The following VPS13D variants were observed in gnomAD, a reference collection of about 807,000 sequenced individuals.
The protein encoded by VPS13D is vacuolar protein sorting 13 homolog D, also known as intermembrane lipid transfer protein VPS13D.
Under a neutral mutation model 461.9 loss-of-function variants are expected in VPS13D, and 187 were observed. That is an observed-to-expected ratio of 0.40 (90% confidence interval 0.36 to 0.46). VPS13D has a LOEUF of 0.46. Ranked by LOEUF, VPS13D falls within the 20% of genes least tolerant of loss-of-function variation. The pLI is 0.60. For missense variants in VPS13D, 4,711 were observed against 5,364.9 expected (o/e 0.88, Z 3.81); for synonymous variants, 1,951 against 1,986.3 (o/e 0.98, Z 0.47).
At chr1:12,391,723 A>T (rs1489002394) in intron 60 of VPS13D, among the ~76,000 whole-genome samples, 2 of 152,192 alleles carry the variant, frequency 1.3e-5, no homozygotes, top group Admixed American at 1.3e-4. Context: ...TTAATTTGTA[A>T]ATAAAATCTT....
rs751517271 is a variant in VPS13D at position 12,236,321 on chromosome 1, C to T, written c.97+1958C>T. On this transcript the variant is annotated intron_variant, in intron 2 of 69. Transcript: ENST00000620676. The stretch of plus-strand genomic sequence containing the variant: ...CGTAAAGAAGTTGGTGCTGCTTGTT[C>T]GTCTCTGACACAGTTAAGCAGTGTT... Among the ~76,000 whole-genome samples the T allele has an allele frequency of 1.1e-4, 17 of 152,132 alleles. 1 individual carries two copies. The highest frequency in any genetic ancestry group is 3.4e-3 in the Middle Eastern group (1 of 294).
At chr1:12,489,635 G>A (rs1011108731) in intron 67 of VPS13D, among the ~76,000 whole-genome samples, 1 of 152,158 alleles carries the variant, frequency 6.6e-6, no homozygotes, top group African/African-American at 2.4e-5. Flanking sequence ...GAGGTTGGAT[G>A]TTACACCCTA....
chr1:12,426,475 G>A (rs1420018884), intron 65 of VPS13D, among the ~76,000 whole-genome samples: 1 of 152,192 alleles, frequency 6.6e-6, no homozygotes, highest in African/African-American at 2.4e-5. Flanking sequence ...AGAGTACCCA[G>A]AATTAGGGAG....
Position 12,373,796 on chromosome 1 carries a change from A to G in VPS13D, c.10855A>G (p.Thr3619Ala). Residue 3619 changes from threonine (T) to alanine (A), a missense_variant, in exon 55 of 70, where the codon ACC becomes GCC. Physicochemically the swap from Thr to Ala is moderately conservative, Grantham distance 58. This residue lies in a region of VPS13D where 4,411 missense variants were observed against 4,937.8 expected (regional missense o/e 0.89). Transcript: ENST00000620676. ...GRPVASNKAI[T>A]CAELVLDVSP... The stretch of plus-strand genomic sequence containing the variant: ...GCCTGTGGCTTCCAACAAGGCCATT[A>G]CCTGTGCGGAGCTCGTTTTGGATGT... The G allele has an allele frequency of 6.3e-7, 1 of 1,597,142 alleles. No homozygotes were observed. Among genetic ancestry groups the G allele is most frequent in the Middle Eastern group, 1.7e-4 (1 of 5,982 alleles).
At chr1:12,484,258 G>A (rs1027804374) in intron 67 of VPS13D, among the ~76,000 whole-genome samples, 12 of 152,098 alleles carry the variant, frequency 7.9e-5, no homozygotes, top group Non-Finnish European at 1.6e-4. Context: ...GTAGCATATA[G>A]TGCCGGACCA....
chr1:12,268,913 T>C, intron 16 of VPS13D, 37 bp downstream of exon 16: 1 of 1,587,444 alleles, frequency 6.3e-7, no homozygotes, highest in East Asian at 2.2e-5. Context: ...ATGTTCCTTT[T>C]GAAAAACATC....
chr1:12,392,541 A>G (rs1644441326), intron 60 of VPS13D, among the ~76,000 whole-genome samples: 1 of 140,738 alleles, frequency 7.1e-6, no homozygotes, highest in Non-Finnish European at 1.5e-5. Context: ...TATTGTATAA[A>G]TGTTAAAAAA....
At chr1:12,458,394 A>G (rs774737841) in intron 66 of VPS13D, among the ~76,000 whole-genome samples, 6 of 152,080 alleles carry the variant, frequency 3.9e-5, no homozygotes, top group Non-Finnish European at 8.8e-5. Context: ...TGCTCTGCCA[A>G]AAACTTTGTT....
At chr1:12,321,995 A>G (rs371031603) in intron 33 of VPS13D, 31 bp downstream of exon 33, 1 of 1,611,048 alleles carries the variant, frequency 6.2e-7, no homozygotes, top group Non-Finnish European at 8.5e-7. Context: ...CAATACGTTG[A>G]TATGCTCTCA....
At position 12,505,933 on chromosome 1, in the gene VPS13D, G is replaced by A. The variant is rs529426161; in HGVS notation, c.12795-920G>A. On this transcript the variant is annotated intron_variant, in intron 68 of 69. Transcript: ENST00000620676. This position sits in a 1 kb window ranked among gnomAD's most constrained non-coding sequence, Gnocchi z 4.2. ...CTTCAGAGGACCTGGGAACAACGCC[G>A]TTCTGGACCCAGGTTTCAGAACACT... Among the ~76,000 whole-genome samples the A allele has an allele frequency of 2.0e-5, 3 of 152,350 alleles. No individual in the cohort carries two copies. The highest frequency in any genetic ancestry group is 2.1e-4 in the South Asian group (1 of 4,830).
chr1:12,354,674 C>G (rs977747119), intron 47 of VPS13D, among the ~76,000 whole-genome samples: 1 of 152,186 alleles, frequency 6.6e-6, no homozygotes, highest in African/African-American at 2.4e-5. Flanking sequence ...TCTTTTTAAA[C>G]TATGCTTTTC....
At chr1:12,234,731 A>G (rs540261170) in intron 2 of VPS13D, among the ~76,000 whole-genome samples, 16 of 152,366 alleles carry the variant, frequency 1.1e-4, no homozygotes, top group African/African-American at 3.8e-4. Context: ...TATGTGAACA[A>G]TAGCTCATAT....
chr1:12,332,295 C>T (rs1010927805), intron 37 of VPS13D, among the ~76,000 whole-genome samples: 1 of 152,166 alleles, frequency 6.6e-6, no homozygotes, highest in Non-Finnish European at 1.5e-5. Flanking sequence ...AAACTGGAAT[C>T]AAGTGAATGT....
chr1:12,448,445 C>T (rs1049299757), intron 65 of VPS13D, among the ~76,000 whole-genome samples: 2 of 152,148 alleles, frequency 1.3e-5, no homozygotes, highest in African/African-American at 4.8e-5. Flanking sequence ...AACCTGTCTT[C>T]AGGCTTCCCT....
At chr1:12,433,114 C>T (rs1465362201) in intron 65 of VPS13D, among the ~76,000 whole-genome samples, 1 of 152,222 alleles carries the variant, frequency 6.6e-6, no homozygotes, top group Non-Finnish European at 1.5e-5. Flanking sequence ...AGCCAGGGGC[C>T]ACCCTCTTGT....
intron 65 of VPS13D, among the ~76,000 whole-genome samples, chr1:12,418,352 C>A (rs1644821860): frequency 6.6e-6 from 1 of 152,182 alleles, no homozygotes; most frequent in African/African-American, 2.4e-5. Flanking sequence ...ATCATAAAAC[C>A]TCATAGTGGT....
chr1:12,454,745 C>T (rs970392642), intron 65 of VPS13D, among the ~76,000 whole-genome samples: 1 of 152,248 alleles, frequency 6.6e-6, no homozygotes, highest in African/African-American at 2.4e-5. Flanking sequence ...GATGGCCACC[C>T]AGTTCCTGGG....
chr1:12,349,928 A>C (rs1231431064), intron 46 of VPS13D, among the ~76,000 whole-genome samples: 1 of 152,238 alleles, frequency 6.6e-6, no homozygotes, highest in East Asian at 1.9e-4. Flanking sequence ...TAGACTTTCA[A>C]CTTATTTAAT....
At chr1:12,291,651 AG>A (rs1234830639) in intron 23 of VPS13D, among the ~76,000 whole-genome samples, 1 of 152,170 alleles carries the variant, frequency 6.6e-6, no homozygotes, top group East Asian at 1.9e-4. Flanking sequence ...CACCCCAGAT[AG>A]GGTATGATTG....
Sources: allele counts gnomAD v4.1 joint callset (sites outside exome capture counted in the v4.1 genomes callset), GRCh38; gene constraint gnomAD v4.1.1; regional missense constraint gnomAD v4.1.1; non-coding constraint Gnocchi (gnomAD v3.1); transcripts MANE v1.5; gene names NCBI Gene and HGNC (gene_info 2026-07-23, HGNC 2026-07-21).